INVS: variants seen among roughly 807,000 people sequenced by gnomAD.
INVS encodes inversin.
INVS carries 86 observed loss-of-function variants against 108.8 expected under a neutral mutation model. That is an observed-to-expected ratio of 0.79 (90% CI 0.66 to 0.95). INVS has a LOEUF of 0.95. Among genes scored for constraint, INVS ranks in the 40% least tolerant of loss-of-function variants. The pLI is 0.00. For synonymous variants in INVS, 455 were observed against 473.5 expected, an observed-to-expected ratio of 0.96 and a Z score of 0.51; for missense variants, 1,169 against 1,297.4, an observed-to-expected ratio of 0.90 and a Z score of 1.52.
intron 2 of INVS, among the ~76,000 whole-genome samples, chr9:100,121,358 C>T (rs529238368): frequency 9.2e-5 from 14 of 152,218 alleles, no homozygotes; most frequent in African/African-American, 2.9e-4. Flanking sequence ...AGGGATCATA[C>T]GGGGCATGTA....
intron 11 of INVS, among the ~76,000 whole-genome samples, chr9:100,269,734 C>T (rs1246071991): frequency 2.0e-5 from 3 of 152,026 alleles, no homozygotes; most frequent in African/African-American, 7.2e-5. Flanking sequence ...TTTCCTAAGA[C>T]CTTTTATGGG....
At chr9:100,164,286 T>C (rs148692260) in intron 3 of INVS, among the ~76,000 whole-genome samples, 117 of 152,298 alleles carry the variant, frequency 7.7e-4, no homozygotes, top group African/African-American at 2.5e-3. Flanking sequence ...TCTTAGCAAT[T>C]TTCAAGCACA....
At chr9:100,183,290 A>G (rs968619577) in intron 3 of INVS, among the ~76,000 whole-genome samples, 6 of 152,272 alleles carry the variant, frequency 3.9e-5, no homozygotes, top group Admixed American at 3.9e-4. Context: ...AAGAAAAGAC[A>G]TGATCCAATA....
At chr9:100,219,518 G>T (rs1831081724) in intron 3 of INVS, among the ~76,000 whole-genome samples, 1 of 152,154 alleles carries the variant, frequency 6.6e-6, no homozygotes, top group Non-Finnish European at 1.5e-5. Flanking sequence ...GTGTGGTGAG[G>T]ATGTGGAGAA....
intron 3 of INVS, among the ~76,000 whole-genome samples, chr9:100,162,758 C>T (rs557478380): frequency 1.3e-5 from 2 of 151,190 alleles, no homozygotes; most frequent in East Asian, 1.9e-4. Context: ...ACCTGGGAGG[C>T]GGAGGTTGCA....
In INVS at chr9:100,223,020, G is replaced by C. The variant is rs12003337; in HGVS notation, c.274-3042G>C. 5.2e-3 allele frequency among the ~76,000 whole-genome samples: 791 copies of C among 151,938 alleles called. 8 individuals carry two copies. The highest frequency in any genetic ancestry group is 0.018 in the African/African-American group (735 of 41,502). ...GAATAACCAAATACCAGGTATTTGA[G>C]AATTAAGATTCTTAACTGTTATGAT... On this transcript the variant is annotated intron_variant, in intron 3 of 16. Transcript: ENST00000262457.
intron 2 of INVS, among the ~76,000 whole-genome samples, chr9:100,123,496 C>T (rs542562606): frequency 6.6e-6 from 1 of 152,168 alleles, no homozygotes; most frequent in South Asian, 2.1e-4. Flanking sequence ...TTTAACCATT[C>T]GTCAGTTGAT....
At chr9:100,266,957 C>T (rs74638203) in intron 11 of INVS, among the ~76,000 whole-genome samples, 5 of 149,358 alleles carry the variant, frequency 3.3e-5, no homozygotes, top group Non-Finnish European at 7.4e-5. Flanking sequence ...AACCCCTTTA[C>T]CACTTCTTTC....
At chr9:100,191,395 T>C (rs1830216979) in intron 3 of INVS, among the ~76,000 whole-genome samples, 1 of 152,164 alleles carries the variant, frequency 6.6e-6, no homozygotes, top group Non-Finnish European at 1.5e-5. Context: ...TTTTCTTTAC[T>C]CTTGTCTGAT....
At chr9:100,176,678 A>G (rs1829721923) in intron 3 of INVS, among the ~76,000 whole-genome samples, 1 of 151,792 alleles carries the variant, frequency 6.6e-6, no homozygotes, top group South Asian at 2.1e-4. Context: ...GGGTTTCACT[A>G]TGTTGGCCAG....
At chr9:100,206,220 G>C (rs905158306) in intron 3 of INVS, among the ~76,000 whole-genome samples, 8 of 152,098 alleles carry the variant, frequency 5.3e-5, no homozygotes, top group Non-Finnish European at 1.0e-4. Context: ...GTAGACAAGA[G>C]GAAAAGAGTA....
chr9:100,109,962 C>A (rs1311448193), intron 2 of INVS, among the ~76,000 whole-genome samples: 1 of 152,214 alleles, frequency 6.6e-6, no homozygotes, highest in Non-Finnish European at 1.5e-5. Flanking sequence ...CCACTGCGCC[C>A]GGCCTCTACT....
In INVS at chr9:100,128,238, A is replaced by AT. The variant is rs201822205; in HGVS notation, c.273+1695dup. ...CTTTAGTTTTTTTGTTTCTACTTTG[A>AT]TTTTTTAATTATAAGTTTTTCATAG... On this transcript the variant is annotated intron_variant, in intron 3 of 16. Transcript: ENST00000262457. 1.6e-3 allele frequency among the ~76,000 whole-genome samples: 238 copies of AT among 152,218 alleles called. 4 individuals are homozygous for AT. The East Asian group carries it at 0.038, about 24-fold the overall frequency.
intron 13 of INVS, among the ~76,000 whole-genome samples, chr9:100,290,060 G>A (rs1461822503): frequency 6.6e-6 from 1 of 151,806 alleles, no homozygotes; most frequent in Non-Finnish European, 1.5e-5. Flanking sequence ...ATTCTAATAG[G>A]TGTGTAGTGG....
intron 3 of INVS, among the ~76,000 whole-genome samples, chr9:100,217,135 C>A (rs1367219668): frequency 6.6e-6 from 1 of 152,000 alleles, no homozygotes; most frequent in Non-Finnish European, 1.5e-5. Flanking sequence ...ATGGTGAAAC[C>A]CCGTCTCTAC....
chr9:100,200,035 T>G (rs1830492176), intron 3 of INVS, among the ~76,000 whole-genome samples: 1 of 152,198 alleles, frequency 6.6e-6, no homozygotes, highest in Non-Finnish European at 1.5e-5. Context: ...TGATCTAAAC[T>G]GAAATTTATT....
rs796876415 is a variant in INVS, at chr9:100,150,774, C to G, written c.273+24225C>G. Among the ~76,000 whole-genome samples the G allele has an allele frequency of 4.6e-5, 7 of 152,080 alleles. No individual in the cohort carries two copies. The South Asian group carries it at 1.5e-3, about 32-fold the overall frequency. On this transcript the variant is annotated intron_variant, in intron 3 of 16. Transcript: ENST00000262457. ...TGTGAATATTGTCAACACTTGGGCACGACATTTTTCCTATGACCAATCATA... is the reference window on the plus strand; with the variant it reads ...TGTGAATATTGTCAACACTTGGGCAGGACATTTTTCCTATGACCAATCATA...
intron 3 of INVS, among the ~76,000 whole-genome samples, chr9:100,158,049 G>A (rs1829059088): frequency 6.6e-6 from 1 of 152,116 alleles, no homozygotes; most frequent in Non-Finnish European, 1.5e-5. Flanking sequence ...TAAGGGCATA[G>A]CATATCCAAT....
intron 3 of INVS, among the ~76,000 whole-genome samples, chr9:100,205,292 C>T (rs1313432660): frequency 1.3e-5 from 2 of 152,192 alleles, no homozygotes; most frequent in Non-Finnish European, 2.9e-5. Flanking sequence ...TGTTGGTAGC[C>T]TTTCTCAGGT....
Sources: allele counts gnomAD v4.1 joint callset (sites outside exome capture counted in the v4.1 genomes callset), GRCh38; gene constraint gnomAD v4.1.1; transcripts MANE v1.5; gene names NCBI Gene and HGNC (gene_info 2026-07-23, HGNC 2026-07-21).